The following DAB1 variants were observed in gnomAD, a reference collection of about 807,000 sequenced individuals.
DAB1 encodes DAB adaptor protein 1.
A neutral mutation model predicts 64.6 loss-of-function variants in DAB1; 15 were observed. The observed-to-expected ratio is 0.23, with a 90% CI of 0.16 to 0.36. DAB1 has a LOEUF of 0.36. Among genes scored for constraint, DAB1 ranks in the 10% least tolerant of loss-of-function variants. The pLI is 1.00. For missense variants in DAB1, 596 were observed against 706.7 expected (o/e 0.84, Z 1.78); for synonymous variants, 235 against 251.9 (o/e 0.93, Z 0.64).
intron 2 of DAB1, among the ~76,000 whole-genome samples, chr1:58,516,601 A>C (rs1646161183): frequency 1.3e-5 from 2 of 152,178 alleles, no homozygotes; most frequent in Admixed American, 1.3e-4. Context: ...CAATAAAATC[A>C]CTCATAGCCA....
At chr1:58,478,340 C>T (rs528443499) in intron 3 of DAB1, among the ~76,000 whole-genome samples, 33 of 152,244 alleles carry the variant, frequency 2.2e-4, no homozygotes, top group African/African-American at 7.9e-4. Context: ...TATAAATTAC[C>T]TAGTCTCGGG....
intron 4 of DAB1, among the ~76,000 whole-genome samples, chr1:58,197,290 A>T (rs1405878141): frequency 6.6e-6 from 1 of 152,222 alleles, no homozygotes; most frequent in East Asian, 1.9e-4. Flanking sequence ...TAGAAGATGG[A>T]TATAGCAGAT....
intron 6 of DAB1, among the ~76,000 whole-genome samples, chr1:57,732,839 C>A (rs1647502195): frequency 6.6e-6 from 1 of 152,156 alleles, no homozygotes; most frequent in African/African-American, 2.4e-5. Context: ...CTCTGGAGGC[C>A]ACAGCCAGCC....
rs1654146550 is a variant in DAB1 at position 57,096,176 on chromosome 1, T to C, written c.307-23762A>G. 2.0e-5 allele frequency among the ~76,000 whole-genome samples: 3 copies of C among 152,286 alleles called. No homozygotes were observed. The South Asian group carries it at 6.2e-4, about 32-fold the overall frequency. Reference sequence around the variant, plus strand: ...TGTCCTTTGTTCAAGATCAGCCAGCTGGAAAAGTAGTGGATTTGGGATTTA... The same window carrying C: ...TGTCCTTTGTTCAAGATCAGCCAGCCGGAAAAGTAGTGGATTTGGGATTTA... On this transcript the variant is annotated intron_variant, in intron 4 of 14. Coordinates refer to ENST00000371236, the MANE Select transcript of DAB1 (RefSeq NM_001365792.1).
chr1:57,446,656 T>C (rs1570528171), intron 7 of DAB1, among the ~76,000 whole-genome samples: 1 of 152,130 alleles, frequency 6.6e-6, no homozygotes. Flanking sequence ...CCCAGAAGTT[T>C]GTTTAGTCAC....
intron 7 of DAB1, among the ~76,000 whole-genome samples, chr1:57,583,290 CTTTTTTT>C (rs34464140): frequency 4.4e-5 from 6 of 136,356 alleles, no homozygotes; most frequent in South Asian, 4.8e-4. Context: ...TTTTTCTTTT[CTTTTTTT>C]TTTTTTTTTG....
chr1:57,235,172 G>A (rs564287807), intron 2 of DAB1, among the ~76,000 whole-genome samples: 1 of 152,314 alleles, frequency 6.6e-6, no homozygotes, highest in African/African-American at 2.4e-5. Flanking sequence ...TAAGTGAGAG[G>A]AGTCTCTGAA....
chr1:58,025,690 CT>C (rs1646884099), intron 5 of DAB1, among the ~76,000 whole-genome samples: 3 of 103,300 alleles, frequency 2.9e-5, no homozygotes, highest in African/African-American at 1.2e-4. Flanking sequence ...TATATATGGC[CT>C]TTAATCATAA....
At chr1:57,951,900 A>G (rs138152311) in intron 5 of DAB1, among the ~76,000 whole-genome samples, 1 of 152,298 alleles carries the variant, frequency 6.6e-6, no homozygotes, top group African/African-American at 2.4e-5. Context: ...CTTTAGGAAA[A>G]CTTAAAAGAG....
intron 5 of DAB1, among the ~76,000 whole-genome samples, chr1:57,997,022 G>C (rs1320502417): frequency 6.6e-6 from 1 of 152,112 alleles, no homozygotes; most frequent in East Asian, 1.9e-4. Context: ...TCAGGTAGTT[G>C]TTAAACTATC....
intron 3 of DAB1, among the ~76,000 whole-genome samples, chr1:58,486,699 C>A (rs967319611): frequency 6.6e-6 from 1 of 152,050 alleles, no homozygotes; most frequent in Admixed American, 6.6e-5. Context: ...GTTGGACGGA[C>A]AATGAGTACA....
chr1:58,124,590 C>T (rs191973489), intron 5 of DAB1, among the ~76,000 whole-genome samples: 11 of 152,138 alleles, frequency 7.2e-5, no homozygotes, highest in African/African-American at 2.4e-4. Flanking sequence ...GATATGAAGG[C>T]CATCAGAGAA....
rs199994309 is a variant in DAB1, at chr1:58,496,165, TAGAC to T, written n.257+9891_257+9894del. ...CCTTTTCAATATTCTTTCATTTTTT[TAGAC>T]TTTTTTTTTTTGGCTTTGGGCATTT... is the stretch of plus-strand genomic sequence containing the variant. On this transcript the variant is annotated intron_variant and non_coding_transcript_variant, in intron 3 of 20. Coordinates refer to the DAB1 transcript ENST00000485760. Among the ~76,000 whole-genome samples, 68 of 151,760 alleles carry T rather than the reference TAGAC, an allele frequency of 4.5e-4. 3 individuals are homozygous for T. The East Asian group carries it at 0.014, about 30-fold the overall frequency.
intron 5 of DAB1, among the ~76,000 whole-genome samples, chr1:57,966,957 T>C (rs942314484): frequency 6.6e-6 from 1 of 152,252 alleles, no homozygotes; most frequent in African/African-American, 2.4e-5. Context: ...ACTACTGGTT[T>C]TTAGTTTACA....
intron 1 of DAB1, among the ~76,000 whole-genome samples, chr1:57,421,902 C>CGGGGGGGGGGGGGG (rs1309675216): frequency 8.5e-5 from 1 of 11,718 alleles, no homozygotes; most frequent in Non-Finnish European, 1.7e-4. Flanking sequence ...TGGGGGGTGG[C>CGGGGGGGGGGGGGG]GGGGGGGGGG....
At chr1:57,432,463 A>C (rs1420951100) in intron 7 of DAB1, among the ~76,000 whole-genome samples, 3 of 152,198 alleles carry the variant, frequency 2.0e-5, no homozygotes, top group Non-Finnish European at 4.4e-5. Flanking sequence ...CAAAAGATGG[A>C]CCAACTGGAA....
chr1:57,395,862 C>T (rs1021992146), intron 1 of DAB1, among the ~76,000 whole-genome samples: 68 of 152,218 alleles, frequency 4.5e-4, no homozygotes, highest in African/African-American at 1.5e-3. Flanking sequence ...TTTACTGAAA[C>T]ACCAAGTTAT....
intron 7 of DAB1, among the ~76,000 whole-genome samples, chr1:57,471,607 G>A (rs1687138969): frequency 6.6e-6 from 1 of 152,152 alleles, no homozygotes. Flanking sequence ...CACAAGATCT[G>A]TTGGTTTTAA....
At chr1:57,257,674 AG>A (rs1669870471) in intron 2 of DAB1, among the ~76,000 whole-genome samples, 2 of 152,292 alleles carry the variant, frequency 1.3e-5, no homozygotes, top group Non-Finnish European at 2.9e-5. Context: ...AAGGTTTTGG[AG>A]GCCAGGAGTC....
Sources: gnomAD v4.1 joint callset for allele counts (sites outside exome capture counted in the v4.1 genomes callset) on GRCh38, gnomAD v4.1.1 for gene constraint, MANE v1.5 for transcripts, NCBI Gene and HGNC (gene_info 2026-07-23, HGNC 2026-07-21) for gene names.